GRM7: variants seen among roughly 807,000 people sequenced by gnomAD.
GRM7 encodes the protein glutamate metabotropic receptor 7.
GRM7 carries 35 observed loss-of-function variants against 84.5 expected under a neutral mutation model. The ratio of observed to expected loss-of-function variants is 0.41; its 90% CI spans 0.32 to 0.55. The LOEUF (loss-of-function observed/expected upper bound fraction) is 0.55, where lower values mean the gene tolerates loss of function less well. Ranked by LOEUF, GRM7 falls within the 20% of genes least tolerant of loss-of-function variation. The pLI is 0.19. For synonymous variants in GRM7, 487 were observed against 455.1 expected, an observed-to-expected ratio of 1.07 and a Z score of -0.89; for missense variants, 1,003 against 1,194.6, an observed-to-expected ratio of 0.84 and a Z score of 2.36.
chr3:7,246,638 T>G (rs1349628869), intron 2 of GRM7, among the ~76,000 whole-genome samples: 7 of 152,118 alleles, frequency 4.6e-5, no homozygotes, highest in Non-Finnish European at 1.0e-4. Flanking sequence ...AGACTGGCAC[T>G]GGGTAACGTC....
At chr3:7,627,388 C>T (rs1372346436) in intron 8 of GRM7, among the ~76,000 whole-genome samples, 2 of 152,048 alleles carry the variant, frequency 1.3e-5, no homozygotes, top group South Asian at 2.1e-4. Flanking sequence ...TTCAGAGGTT[C>T]TCATTAGCTT....
intron 9 of GRM7, among the ~76,000 whole-genome samples, chr3:7,714,211 G>A (rs1226205119): frequency 6.6e-6 from 1 of 152,152 alleles, no homozygotes; most frequent in Non-Finnish European, 1.5e-5. Flanking sequence ...CAAACTGGGG[G>A]AGGAGATATT....
intron 4 of GRM7, among the ~76,000 whole-genome samples, chr3:7,323,924 GT>G (rs919971457): frequency 6.6e-6 from 1 of 152,048 alleles, no homozygotes; most frequent in African/African-American, 2.4e-5. Flanking sequence ...AAATTAAGCT[GT>G]TTTTTATAAG....
At chr3:7,106,769 C>G (rs767469560) in intron 1 of GRM7, among the ~76,000 whole-genome samples, 3 of 152,046 alleles carry the variant, frequency 2.0e-5, no homozygotes, top group Non-Finnish European at 2.9e-5. Context: ...AAACTTGGAA[C>G]AGTGATCTGG....
chr3:7,323,810 T>TC (rs1162349089), intron 4 of GRM7, among the ~76,000 whole-genome samples: 1 of 152,208 alleles, frequency 6.6e-6, no homozygotes, highest in Non-Finnish European at 1.5e-5. Flanking sequence ...AGTGGGCACT[T>TC]ATAATATGCC....
At chr3:7,368,155 A>G (rs1693984968) in intron 4 of GRM7, among the ~76,000 whole-genome samples, 1 of 152,022 alleles carries the variant, frequency 6.6e-6, no homozygotes, top group East Asian at 1.9e-4. Context: ...TGGACTTCTT[A>G]TCTGCCCGGG....
intron 2 of GRM7, among the ~76,000 whole-genome samples, chr3:7,284,091 C>G (rs1192320574): frequency 6.6e-6 from 1 of 152,138 alleles, no homozygotes; most frequent in Non-Finnish European, 1.5e-5. Flanking sequence ...CCTAATAACT[C>G]AATTAAATTG....
chr3:7,047,825 G>A (rs1205995957), intron 1 of GRM7, among the ~76,000 whole-genome samples: 2 of 152,070 alleles, frequency 1.3e-5, no homozygotes, highest in East Asian at 3.9e-4. Context: ...AGAGAGTTTG[G>A]TTATTGATTC....
At chr3:7,441,363 T>A (rs1432731403) in intron 5 of GRM7, among the ~76,000 whole-genome samples, 1 of 152,170 alleles carries the variant, frequency 6.6e-6, no homozygotes, top group African/African-American at 2.4e-5. Flanking sequence ...TTAATTTATT[T>A]AAGTTCATTA....
chr3:7,486,345 T>C lies in GRM7; in HGVS notation c.1515+24623T>C, dbSNP rs949157284. ...ATTTTATTTGTTTCTATCTCTGCTA[T>C]GATTTGAATATGACTTGTCCTCAGC... On this transcript the variant is annotated intron_variant, in intron 7 of 9. Transcript: ENST00000357716. This position sits in a 1 kb window ranked among gnomAD's most constrained non-coding sequence, Gnocchi z 5.5. 6.6e-6 allele frequency among the ~76,000 whole-genome samples: 1 copy of C among 152,158 alleles called. No individual in the cohort carries two copies. The highest frequency in any genetic ancestry group is 2.4e-5 in the African/African-American group (1 of 41,450).
intron 1 of GRM7, among the ~76,000 whole-genome samples, chr3:6,913,585 C>A (rs1696845085): frequency 6.6e-6 from 1 of 152,152 alleles, no homozygotes; most frequent in South Asian, 2.1e-4. Context: ...TCCAGTAATA[C>A]TGAATTTCTG....
At chr3:7,029,873 A>T (rs1017093828) in intron 1 of GRM7, among the ~76,000 whole-genome samples, 3 of 152,220 alleles carry the variant, frequency 2.0e-5, no homozygotes, top group Admixed American at 1.3e-4. Flanking sequence ...TATGTTGTGT[A>T]TACTTTACCA....
At position 6,963,941 on chromosome 3, in the gene GRM7, T is replaced by C. The variant is rs551953136; in HGVS notation, c.519+102034T>C. Among the ~76,000 whole-genome samples, 15 of 152,318 alleles carry C rather than the reference T, an allele frequency of 9.8e-5. 1 individual carries two copies. The East Asian group carries it at 2.9e-3, about 29-fold the overall frequency. On this transcript the variant is annotated intron_variant, in intron 1 of 9. Transcript: ENST00000357716. Reference sequence around the variant, plus strand: ...TGATAAAAGCTTGTTTTTGACACTTTAATGCCTTCAAGCTACTGCCTTCAT... The same window carrying C: ...TGATAAAAGCTTGTTTTTGACACTTCAATGCCTTCAAGCTACTGCCTTCAT...
At chr3:6,927,896 C>A (rs116170946) in intron 1 of GRM7, among the ~76,000 whole-genome samples, 1,577 of 152,222 alleles carry the variant, frequency 0.01, 29 homozygotes, top group African/African-American at 0.035. Flanking sequence ...TTTCGTTTTA[C>A]AAACAATGTT....
chr3:7,496,828 C>T (rs997109505), intron 7 of GRM7, among the ~76,000 whole-genome samples: 5 of 151,780 alleles, frequency 3.3e-5, no homozygotes, highest in Admixed American at 1.3e-4. Context: ...TACCCACACA[C>T]ACTCAGAAAG....
chr3:7,442,772 C>A (rs1697345031), intron 5 of GRM7, among the ~76,000 whole-genome samples: 1 of 152,108 alleles, frequency 6.6e-6, no homozygotes, highest in African/African-American at 2.4e-5. Flanking sequence ...AATCCAAGAG[C>A]ATCTGTAAGA....
intron 7 of GRM7, chr3:7,519,999 T>A (rs896651893): frequency 1.4e-4 from 22 of 152,174 alleles, no homozygotes; most frequent in African/African-American, 5.3e-4. Flanking sequence ...TGGTTGCTGT[T>A]GCTCAGGGCA....
intron 1 of GRM7, among the ~76,000 whole-genome samples, chr3:7,072,500 A>G (rs1331249983): frequency 6.6e-6 from 1 of 152,032 alleles, no homozygotes; most frequent in Non-Finnish European, 1.5e-5. Flanking sequence ...TTGGCAACAT[A>G]GTGAGACCCT....
intron 2 of GRM7, among the ~76,000 whole-genome samples, chr3:7,254,249 A>G (rs181049033): frequency 6.6e-6 from 1 of 152,290 alleles, no homozygotes; most frequent in East Asian, 1.9e-4. Context: ...CCTTGAAAGT[A>G]TGAATATTTT....
Sources: allele counts gnomAD v4.1 joint callset (sites outside exome capture counted in the v4.1 genomes callset), GRCh38; gene constraint gnomAD v4.1.1; non-coding constraint Gnocchi (gnomAD v3.1); transcripts MANE v1.5; gene names NCBI Gene and HGNC (gene_info 2026-07-23, HGNC 2026-07-21).